GRK3: variants seen among roughly 807,000 people sequenced by gnomAD.
GRK3 encodes the protein G protein-coupled receptor kinase 3, also known as adrenergic, beta, receptor kinase 2.
GRK3 carries 54 observed loss-of-function variants against 95.7 expected under a neutral mutation model. The observed-to-expected ratio is 0.56, with a 90% confidence interval of 0.45 to 0.71. The LOEUF is 0.71. Among genes scored for constraint, GRK3 ranks in the 30% least tolerant of loss-of-function variants. GRK3 has a pLI of 0.00. For synonymous variants in GRK3, 281 were observed against 290.8 expected, an observed-to-expected ratio of 0.97 and a Z score of 0.34; for missense variants, 649 against 851.2, an observed-to-expected ratio of 0.76 and a Z score of 2.96.
chr22:25,649,229 C>T, intron 3 of GRK3: 3 of 1,260,582 alleles, frequency 2.4e-6, no homozygotes, highest in Non-Finnish European at 3.5e-6. Context: ...CAGGAGAAAA[C>T]TTCTAATTCA....
Position 25,661,575 on chromosome 22 carries a change from G to T in GRK3, c.265-1G>T. Reference sequence around the variant, plus strand: ...AACAATGATAACTTTAAAAAACCTAGATAAAGGAATATGAAAAACTTGATA... The same window carrying T: ...AACAATGATAACTTTAAAAAACCTATATAAAGGAATATGAAAAACTTGATA... On this transcript the variant is annotated splice_acceptor_variant, in intron 3 of 20. Coordinates refer to ENST00000324198, the MANE Select transcript of GRK3 (RefSeq NM_005160.4). LOFTEE classifies it high-confidence loss of function. The T allele has an allele frequency of 6.2e-7, 1 of 1,600,586 alleles. No individual in the cohort carries two copies.
intron 1 of GRK3, among the ~76,000 whole-genome samples, chr22:25,601,614 A>G (rs181750372): frequency 5.9e-5 from 9 of 152,318 alleles, no homozygotes; most frequent in Admixed American, 5.9e-4. Context: ...AGACAATACA[A>G]TGTGTACATA....
At chr22:25,688,028 A>C (rs1217356778) in intron 11 of GRK3, among the ~76,000 whole-genome samples, 4 of 152,158 alleles carry the variant, frequency 2.6e-5, no homozygotes, top group Non-Finnish European at 5.9e-5. Flanking sequence ...CAAGGTCAGG[A>C]GATCAAGGCC....
At chr22:25,718,169 T>C in intron 18 of GRK3, 76 bp from the exon 19 acceptor site, 1 of 1,500,014 alleles carries the variant, frequency 6.7e-7, no homozygotes, top group South Asian at 1.2e-5. Context: ...ATGTCTGTTC[T>C]TTTTTCAGAG....
chr22:25,690,186 TAGCC>T lies in GRK3; in HGVS notation c.959_962del (p.Pro320GlnfsTer65). ...TATTAAAGATTATTCTCTTTCTGTT[TAGCC>T]AGCAAATATTCTCTTGGATGAACAT... On this transcript the variant is annotated splice_acceptor_variant and coding_sequence_variant, in exon 12 of 21. Coordinates refer to ENST00000324198, the MANE Select transcript of GRK3 (RefSeq NM_005160.4). LOFTEE classifies it high-confidence loss of function. 6.2e-7 allele frequency: 1 copy of T among 1,612,316 alleles called. No individual in the cohort carries two copies. The highest frequency in any genetic ancestry group is 8.5e-7 in the Non-Finnish European group (1 of 1,178,474).
intron 19 of GRK3, among the ~76,000 whole-genome samples, chr22:25,719,135 G>A (rs2085410457): frequency 1.3e-5 from 2 of 151,772 alleles, no homozygotes; most frequent in Non-Finnish European, 2.9e-5. Flanking sequence ...CCAGTCCCCT[G>A]TGGATACTAA....
chr22:25,603,286 A>G (rs567294218), intron 1 of GRK3, among the ~76,000 whole-genome samples: 1 of 152,338 alleles, frequency 6.6e-6, no homozygotes, highest in African/African-American at 2.4e-5. Flanking sequence ...AAGTAAAAAA[A>G]AAAGTAATGC....
chr22:25,724,027 C>G lies in GRK3; in HGVS notation c.*1577C>G, dbSNP rs2085454957. Reference sequence around the variant, plus strand: ...TAAATTAACATACATTTTCTACTATCTGTTATTTCCAGTGTGGGAGGAGGG... The same window carrying G: ...TAAATTAACATACATTTTCTACTATGTGTTATTTCCAGTGTGGGAGGAGGG... On this transcript the variant is annotated 3_prime_UTR_variant, in exon 21 of 21. Coordinates refer to ENST00000324198, the MANE Select transcript of GRK3 (RefSeq NM_005160.4). 6.6e-6 allele frequency: 1 copy of G among 150,452 alleles called. No homozygotes were observed. The highest frequency in any genetic ancestry group is 1.5e-5 in the Non-Finnish European group (1 of 67,802). 9.3% of individuals were successfully genotyped at this position (150,452 alleles called of 1,614,324 possible). A position where few individuals can be genotyped will look rare whatever the true frequency, so the allele number is the denominator to read the frequency against.
chr22:25,652,998 A>G, intron 3 of GRK3, among the ~76,000 whole-genome samples: 1 of 152,218 alleles, frequency 6.6e-6, no homozygotes, highest in East Asian at 1.9e-4. Flanking sequence ...ATGTTCACAC[A>G]ATTATGAAAT....
rs1211851780 is a variant in GRK3 at position 25,644,718 on chromosome 22, G to C, written c.264+53G>C. 3 of 950,544 alleles carry C rather than the reference G, an allele frequency of 3.2e-6. No homozygotes were observed. In the East Asian group the frequency reaches 7.6e-5, roughly 24 times the overall value. 58.9% of individuals were successfully genotyped at this position (950,544 alleles called of 1,614,324 possible). ...TTTCTTTCAAAAGCATATTTAAACT[G>C]TACTTTGGAACATATTAAGACTACT... is the stretch of plus-strand genomic sequence containing the variant. On this transcript the variant is annotated intron_variant, in intron 3 of 20. Coordinates refer to ENST00000324198, the MANE Select transcript of GRK3 (RefSeq NM_005160.4).
intron 8 of GRK3, among the ~76,000 whole-genome samples, chr22:25,677,289 T>C (rs1218780894): frequency 6.7e-6 from 1 of 150,206 alleles, no homozygotes; most frequent in African/African-American, 2.5e-5. Context: ...GGTGGGAGGA[T>C]TGCTTGAGAC....
rs1931407171 is a variant in GRK3 at position 25,565,101 on chromosome 22, A to C, written c.61A>C (p.Lys21Gln). Residue 21 changes from lysine to glutamine, a missense_variant, in exon 1 of 21, where the codon AAG (lysine) becomes CAG (glutamine). Transcript: ENST00000324198. ...VSYLMAMEKS[K>Q]ATPAARASKR... ...TTACCTGATGGCCATGGAGAAGAGCAAGGCGACCCCGGCCGCCCGCGCCAG... is the reference window on the plus strand; with the variant it reads ...TTACCTGATGGCCATGGAGAAGAGCCAGGCGACCCCGGCCGCCCGCGCCAG... The C allele has an allele frequency of 5.8e-6, 9 of 1,546,728 alleles. No individual in the cohort carries two copies. The South Asian group carries it at 1.1e-4, about 18-fold the overall frequency.
intron 3 of GRK3, chr22:25,648,665 A>T (rs564959802): frequency 7.9e-4 from 808 of 1,018,670 alleles, no homozygotes; most frequent in Non-Finnish European, 1.0e-3. Context: ...TGTCAAAAGG[A>T]AGCTTATTCA....
rs1262811157 is a variant in GRK3, at chr22:25,725,705, G to A, written c.*3255G>A. On this transcript the variant is annotated 3_prime_UTR_variant, in exon 21 of 21. Transcript: ENST00000324198. ...CTCACGCCTATAATCCCAGCACTTT[G>A]GGAGGCCGAGAGGGGCGGTTCACGA... The A allele has an allele frequency of 2.5e-6, 1 of 398,264 alleles. No individual in the cohort carries two copies. Among genetic ancestry groups the A allele is most frequent in the Non-Finnish European group, 4.4e-6 (1 of 226,008 alleles). The allele number at this position is 398,264 out of a possible 1,614,324, so 24.7% of individuals were successfully genotyped here.
intron 15 of GRK3, among the ~76,000 whole-genome samples, chr22:25,707,720 A>C (rs1006533439): frequency 6.6e-6 from 1 of 152,180 alleles, no homozygotes; most frequent in Admixed American, 6.5e-5. Context: ...ATGCGAAGCA[A>C]GACTGGAGAG....
chr22:25,668,656 C>T (rs1256672552), intron 6 of GRK3, among the ~76,000 whole-genome samples: 1 of 152,194 alleles, frequency 6.6e-6, no homozygotes, highest in Non-Finnish European at 1.5e-5. Flanking sequence ...ATAGCAGGAA[C>T]TTTGCCAAAA....
intron 1 of GRK3, among the ~76,000 whole-genome samples, chr22:25,584,136 G>C (rs1483699191): frequency 6.6e-6 from 1 of 152,208 alleles, no homozygotes; most frequent in Non-Finnish European, 1.5e-5. Flanking sequence ...ACTTTGATTT[G>C]TTTTGAAAAG....
chr22:25,687,273 T>C (rs2085123398), intron 10 of GRK3, among the ~76,000 whole-genome samples: 1 of 152,190 alleles, frequency 6.6e-6, no homozygotes, highest in Non-Finnish European at 1.5e-5. Flanking sequence ...AGAGCAGAAC[T>C]AGAAGCTGAG....
chr22:25,635,244 A>G (rs775916094), intron 2 of GRK3, among the ~76,000 whole-genome samples: 62 of 152,264 alleles, frequency 4.1e-4, no homozygotes, highest in African/African-American at 1.5e-3. Context: ...ATTTTGCCTC[A>G]TTTGTTTCAT....
Sources: gnomAD v4.1 joint callset for allele counts (sites outside exome capture counted in the v4.1 genomes callset) on GRCh38, gnomAD v4.1.1 for gene constraint, MANE v1.5 for transcripts, NCBI Gene and HGNC (gene_info 2026-07-23, HGNC 2026-07-21) for gene names.